Variants in EMX2 observed in about 807,000 individuals in gnomAD.
EMX2 encodes the protein empty spiracles homeobox 2, also known as homeobox protein EMX2.
EMX2 carries 6 observed loss-of-function variants against 23.0 expected under a neutral mutation model. The ratio of observed to expected loss-of-function variants is 0.26; its 90% CI spans 0.14 to 0.52. EMX2 has a LOEUF of 0.52. Among genes scored for constraint, EMX2 ranks in the 20% least tolerant of loss-of-function variants. The probability of loss-of-function intolerance (pLI) is 0.97; values close to 1 mark genes in which losing one functional copy is unlikely to be tolerated. For synonymous variants in EMX2, 175 were observed against 153.3 expected (o/e 1.14, Z -1.04); for missense variants, 302 against 341.4 (o/e 0.88, Z 0.91).
At position 117,548,238 on chromosome 10, in the gene EMX2, T is replaced by C; in HGVS notation, c.*6T>C. On this transcript the variant is annotated 3_prime_UTR_variant, in exon 3 of 3. Coordinates refer to ENST00000553456, the MANE Select transcript of EMX2 (RefSeq NM_004098.4). ...ACGTGACCTCAGATGATTAAAAACA[T>C]AAACCTAACCCCACAGAAACGGACA... 6.2e-7 allele frequency: 1 copy of C among 1,611,774 alleles called. No homozygotes were observed. Among genetic ancestry groups the C allele is most frequent in the Non-Finnish European group, 8.5e-7 (1 of 1,179,360 alleles).
At position 117,543,050 on chromosome 10, in the gene EMX2, G is replaced by A; in HGVS notation, c.-218G>A. 1.9e-6 allele frequency: 1 copy of A among 518,100 alleles called. No homozygotes were observed. The highest frequency in any genetic ancestry group is 3.2e-6 in the Non-Finnish European group (1 of 309,590). 32.1% of individuals were successfully genotyped at this position (518,100 alleles called of 1,614,324 possible). A position where few individuals can be genotyped will look rare whatever the true frequency, so the allele number is the denominator to read the frequency against. On this transcript the variant is annotated 5_prime_UTR_variant, in exon 1 of 3. Coordinates refer to ENST00000553456, the MANE Select transcript of EMX2 (RefSeq NM_004098.4). ...TGGGCGCGTTTGGTGCAAGATTCTC[G>A]GGATCCTCGGCTTTGCCTCTCCCTC... is the stretch of plus-strand genomic sequence containing the variant.
At chr10:117,544,987 C>T (rs1358842912) in intron 1 of EMX2, 1 of 152,120 alleles carries the variant, frequency 6.6e-6, no homozygotes, top group African/African-American at 2.4e-5. Context: ...GATCCCTTCG[C>T]TCGCGTTTCT....
rs1237870361 is a variant in EMX2 at position 117,548,138 on chromosome 10, A to G, written c.665A>G (p.Gln222Arg). The G allele has an allele frequency of 6.2e-7, 1 of 1,613,882 alleles. No homozygotes were observed. The highest frequency in any genetic ancestry group is 8.5e-7 in the Non-Finnish European group (1 of 1,179,960). Residue 222 changes from glutamine to arginine, a missense_variant, in exon 3 of 3, where the codon CAA becomes CGA. Physicochemically the swap from Gln to Arg is conservative, Grantham distance 43 (BLOSUM62 1). Coordinates refer to ENST00000553456, the MANE Select transcript of EMX2 (RefSeq NM_004098.4). Reference protein sequence around the residue: ...QKLEEEGSDSQQKKKGTHHIN... With the variant: ...QKLEEEGSDSRQKKKGTHHIN... ...CTGGAGGAAGAAGGCTCAGATTCGC[A>G]ACAAAAGAAAAAAGGGACGCACCAT...
In EMX2 at chr10:117,543,258, T is replaced by A; in HGVS notation, c.-10T>A. On this transcript the variant is annotated 5_prime_UTR_variant, in exon 1 of 3. Transcript: ENST00000553456. ...GCTGGGAGCCCAGGGCGCCCGCTCC[T>A]CGGCGCAGCATGTTCCAGCCGGCGC... 4.0e-6 allele frequency: 6 copies of A among 1,493,434 alleles called. No individual in the cohort carries two copies. The highest frequency in any genetic ancestry group is 4.5e-6 in the Non-Finnish European group (5 of 1,112,966). 92.5% of individuals were successfully genotyped at this position (1,493,434 alleles called of 1,614,324 possible).
chr10:117,545,946 G>T (rs1030543291), intron 2 of EMX2, 130 bp downstream of exon 2: 4 of 1,305,792 alleles, frequency 3.1e-6, no homozygotes, highest in East Asian at 2.5e-5. Flanking sequence ...CTGGTTCCAC[G>T]CCTGGGCTCG....
At chr10:117,547,004 T>A (rs1846587833) in intron 2 of EMX2, among the ~76,000 whole-genome samples, 1 of 151,414 alleles carries the variant, frequency 6.6e-6, no homozygotes, top group South Asian at 2.1e-4. Context: ...AGAATAGGAG[T>A]TGTGGGGGGA....
Position 117,543,552 on chromosome 10 carries a change from C to A in EMX2, c.285C>A (p.Ala95=). The A allele has an allele frequency of 3.1e-6, 5 of 1,612,164 alleles. No individual in the cohort carries two copies. Among genetic ancestry groups the A allele is most frequent in the Non-Finnish European group, 4.2e-6 (5 of 1,179,304 alleles). Residue 95 remains alanine, a synonymous_variant, in exon 1 of 3, where the codon GCC becomes GCA. Transcript: ENST00000553456. Reference sequence around the variant, plus strand: ...CGGTGCCGCCGCCGCACGCCCTGGCCGCCCACCCCCTACCCTCCTCGCACT... The same window carrying A: ...CGGTGCCGCCGCCGCACGCCCTGGCAGCCCACCCCCTACCCTCCTCGCACT... ...VHPVPPPHAL[A]AHPLPSSHSP...
chr10:117,544,947 T>G (rs1380804728), intron 1 of EMX2: 2 of 152,064 alleles, frequency 1.3e-5, no homozygotes, highest in Admixed American at 1.3e-4. Context: ...GTCCTGGCGG[T>G]GTCTGCAAGT....
rs1209655810 is a variant in EMX2 at position 117,543,013 on chromosome 10, C to G, written c.-255C>G. 4.7e-6 allele frequency: 2 copies of G among 427,222 alleles called. No homozygotes were observed. The highest frequency in any genetic ancestry group is 8.1e-6 in the Non-Finnish European group (2 of 246,892). 26.5% of individuals were successfully genotyped at this position (427,222 alleles called of 1,614,324 possible). ...AATTCTTCTGGAAGGATTTTCCCCC[C>G]TCTCTTCAGGTTGGGCGCGTTTGGT... On this transcript the variant is annotated 5_prime_UTR_variant, in exon 1 of 3. Coordinates refer to ENST00000553456, the MANE Select transcript of EMX2 (RefSeq NM_004098.4).
At chr10:117,544,457 A>G (rs1256193868) in intron 1 of EMX2, 1 of 151,328 alleles carries the variant, frequency 6.6e-6, no homozygotes, top group Non-Finnish European at 1.5e-5. Flanking sequence ...ATTTCTTGCG[A>G]TATTTTTTAT....
intron 2 of EMX2, among the ~76,000 whole-genome samples, chr10:117,546,917 G>T (rs905393460): frequency 6.6e-6 from 1 of 152,228 alleles, no homozygotes; most frequent in Non-Finnish European, 1.5e-5. Context: ...ACCGGCCTGC[G>T]GCCTCAAAGG....
Position 117,548,050 on chromosome 10 carries a change from G to A in EMX2, c.592-15G>A, listed in dbSNP as rs1846603824. The A allele has an allele frequency of 1.1e-5, 17 of 1,604,022 alleles. No individual in the cohort carries two copies. Among genetic ancestry groups the A allele is most frequent in the Non-Finnish European group, 1.4e-5 (16 of 1,175,398 alleles). ...CTGAAAGAACTAACGCACCCCATCT[G>A]CCTCTCACCCGCAGGTAAAAGTATG... On this transcript the variant is annotated splice_polypyrimidine_tract_variant and intron_variant, in intron 2 of 2. Transcript: ENST00000553456.
rs1457762302 is a variant in EMX2, at chr10:117,544,001, G to A, written c.406+328G>A. ...GCGCCGCGGAGCCCAGAGCCCGCGG[G>A]ATCCCCAGGCTCCTGGTACCCTCGG... On this transcript the variant is annotated intron_variant, in intron 1 of 2. Coordinates refer to ENST00000553456, the MANE Select transcript of EMX2 (RefSeq NM_004098.4). Among the ~76,000 whole-genome samples the A allele has an allele frequency of 2.0e-5, 3 of 152,206 alleles. No individual in the cohort carries two copies. The East Asian group carries it at 5.8e-4, about 29-fold the overall frequency.
At chr10:117,544,270 G>A (rs1360242237) in intron 1 of EMX2, 1 of 157,748 alleles carries the variant, frequency 6.3e-6, no homozygotes, top group African/African-American at 2.4e-5. Context: ...ACCCGTGCGG[G>A]AGGAAAGCTC....
chr10:117,549,064 C>CG lies in EMX2; in HGVS notation c.*839dup, dbSNP rs566123179. 1.7e-3 allele frequency: 23 copies of CG among 13,926 alleles called. No homozygotes were observed. Among genetic ancestry groups the CG allele is most frequent in the South Asian group, 4.2e-3 (2 of 480 alleles). 0.9% of individuals were successfully genotyped at this position (13,926 alleles called of 1,614,324 possible). On this transcript the variant is annotated 3_prime_UTR_variant, in exon 3 of 3. Coordinates refer to ENST00000553456, the MANE Select transcript of EMX2 (RefSeq NM_004098.4). Reference sequence around the variant, plus strand: ...TACAGAGAAACGGGGAGCAGGACGACGGGGGGGCTGGGGGTGGCGGGGGAG... The same window carrying CG: ...TACAGAGAAACGGGGAGCAGGACGACGGGGGGGGCTGGGGGTGGCGGGGGAG...
At position 117,547,039 on chromosome 10, in the gene EMX2, C is replaced by A. The variant is rs185472781; in HGVS notation, c.592-1026C>A. On this transcript the variant is annotated intron_variant, in intron 2 of 2. Transcript: ENST00000553456. ...AGGGTATCAGAGGTGCAGTCACTGCCATCTCCCTTACCTGTACACCACTGC... is the reference window on the plus strand; with the variant it reads ...AGGGTATCAGAGGTGCAGTCACTGCAATCTCCCTTACCTGTACACCACTGC... 2.0e-5 allele frequency among the ~76,000 whole-genome samples: 3 copies of A among 152,316 alleles called. No homozygotes were observed. In the East Asian group the frequency reaches 5.8e-4, roughly 29 times the overall value.
chr10:117,543,761 G>A, intron 1 of EMX2, 88 bp downstream of exon 1: 1 of 1,600,404 alleles, frequency 6.2e-7, no homozygotes, highest in Non-Finnish European at 8.5e-7. Flanking sequence ...GCTTGGCAAG[G>A]CCTGGGCGGA....
At position 117,549,377 on chromosome 10, in the gene EMX2, T is replaced by C. The variant is rs978312809; in HGVS notation, c.*1145T>C. On this transcript the variant is annotated 3_prime_UTR_variant, in exon 3 of 3. Transcript: ENST00000553456. ...CAAGCACTGAGTTTCTATTCCAAGA[T>C]CATAGACTTACTAAAGAGAGTGACA... The C allele has an allele frequency of 6.6e-6, 1 of 152,650 alleles. No homozygotes were observed. Among genetic ancestry groups the C allele is most frequent in the African/African-American group, 2.4e-5 (1 of 41,454 alleles). 9.5% of individuals were successfully genotyped at this position (152,650 alleles called of 1,614,324 possible). A position where few individuals can be genotyped will look rare whatever the true frequency, so the allele number is the denominator to read the frequency against.
chr10:117,545,595 G>GC (rs755065761), intron 1 of EMX2, 37 bp from the exon 2 acceptor site: 90 of 1,612,352 alleles, frequency 5.6e-5, no homozygotes, highest in East Asian at 3.3e-4. Flanking sequence ...GGTCAGAGCA[G>GC]CCCCCCCTAA....
Sources: gnomAD v4.1 joint callset for allele counts (sites outside exome capture counted in the v4.1 genomes callset) on GRCh38, gnomAD v4.1.1 for gene constraint, MANE v1.5 for transcripts, NCBI Gene and HGNC (gene_info 2026-07-23, HGNC 2026-07-21) for gene names.